The following SPAG16 variants were observed in gnomAD, a reference collection of about 807,000 sequenced individuals.
SPAG16 encodes the protein sperm associated antigen 16.
A neutral mutation model predicts 80.4 loss-of-function variants in SPAG16; 86 were observed. The observed-to-expected ratio is 1.07, with a 90% CI of 0.90 to 1.28. The LOEUF (loss-of-function observed/expected upper bound fraction) is 1.28. Among genes scored for constraint, SPAG16 ranks in the 50% most tolerant of loss-of-function variants. The pLI is 0.00. For synonymous variants in SPAG16, 294 were observed against 265.9 expected, an observed-to-expected ratio of 1.11 and a Z score of -1.03; for missense variants, 870 against 765.3, an observed-to-expected ratio of 1.14 and a Z score of -1.61.
At chr2:213,862,005 A>G (rs573506170) in intron 10 of SPAG16, among the ~76,000 whole-genome samples, 85 of 152,244 alleles carry the variant, frequency 5.6e-4, no homozygotes, top group Middle Eastern at 3.4e-3. Flanking sequence ...CATTTATAGT[A>G]TTTATTACAG....
At chr2:213,993,274 C>A (rs2046367600) in intron 12 of SPAG16, among the ~76,000 whole-genome samples, 1 of 152,106 alleles carries the variant, frequency 6.6e-6, no homozygotes, top group South Asian at 2.1e-4. Flanking sequence ...CTTTTCAGAC[C>A]CATGCTTATA....
rs549159879 is a variant in SPAG16 at position 213,412,608 on chromosome 2, A to G, written c.942+37489A>G. Among the ~76,000 whole-genome samples, 4 of 151,196 alleles carry G rather than the reference A, an allele frequency of 2.6e-5. No homozygotes were observed. In the South Asian group the frequency reaches 8.3e-4, roughly 31 times the overall value. The stretch of plus-strand genomic sequence containing the variant: ...TAGAGTGACATCTTGTGCCACTCTC[A>G]GTGTTTTGTTTGTTTATTTTTTTTT... On this transcript the variant is annotated intron_variant, in intron 9 of 15. Coordinates refer to ENST00000331683, the MANE Select transcript of SPAG16 (RefSeq NM_024532.5).
chr2:214,008,315 A>T (rs1042272330), intron 12 of SPAG16, among the ~76,000 whole-genome samples: 23 of 152,064 alleles, frequency 1.5e-4, no homozygotes, highest in African/African-American at 5.6e-4. Context: ...ATAATAAATC[A>T]TTTGTAGTCT....
At chr2:213,582,087 A>G (rs957288825) in intron 10 of SPAG16, among the ~76,000 whole-genome samples, 1 of 152,082 alleles carries the variant, frequency 6.6e-6, no homozygotes, top group South Asian at 2.1e-4. Context: ...AACCTAAATT[A>G]TATTATTATA....
chr2:213,412,053 G>A (rs564932911), intron 9 of SPAG16, among the ~76,000 whole-genome samples: 5 of 151,694 alleles, frequency 3.3e-5, no homozygotes, highest in East Asian at 1.9e-4. Context: ...AACCTTTTTC[G>A]TTTCCCTGAC....
intron 11 of SPAG16, among the ~76,000 whole-genome samples, chr2:213,921,064 G>T (rs967902087): frequency 6.6e-6 from 1 of 152,166 alleles, no homozygotes; most frequent in African/African-American, 2.4e-5. Flanking sequence ...CTCCTGTAGG[G>T]TTCCCAGCTT....
intron 11 of SPAG16, among the ~76,000 whole-genome samples, chr2:213,871,433 T>C (rs2075940380): frequency 6.6e-6 from 1 of 152,040 alleles, no homozygotes; most frequent in Non-Finnish European, 1.5e-5. Context: ...TGTTTTAACT[T>C]TCTCCAGTCC....
chr2:213,840,481 A>G (rs767323333), intron 10 of SPAG16, among the ~76,000 whole-genome samples: 1 of 152,172 alleles, frequency 6.6e-6, no homozygotes, highest in Non-Finnish European at 1.5e-5. Flanking sequence ...TAAACAAAAT[A>G]TTTGTTAAAC....
In SPAG16 at chr2:214,356,107, T is replaced by G. The variant is rs367667317; in HGVS notation, c.1721-54033T>G. Among the ~76,000 whole-genome samples, 166 of 150,916 alleles carry G rather than the reference T, an allele frequency of 1.1e-3. 1 individual carries two copies. In the South Asian group the frequency reaches 0.012, roughly 11 times the overall value. On this transcript the variant is annotated intron_variant, in intron 15 of 15. Transcript: ENST00000331683. ...TTAATGGAAATGACGAGTTAATGAG[T>G]GCAGCACACCAGCATGGCACATGTA...
intron 10 of SPAG16, among the ~76,000 whole-genome samples, chr2:213,556,453 CTT>C (rs2059428982): frequency 6.6e-6 from 1 of 151,724 alleles, no homozygotes; most frequent in South Asian, 2.1e-4. Context: ...GATAGCTAAA[CTT>C]ATATCAGATA....
intron 10 of SPAG16, among the ~76,000 whole-genome samples, chr2:213,532,530 C>T (rs541911371): frequency 2.1e-4 from 32 of 149,284 alleles, no homozygotes; most frequent in African/African-American, 7.7e-4. Context: ...GTTGCCATCT[C>T]GGCTCACCAC....
chr2:214,027,258 ATTC>A (rs1456680558), intron 13 of SPAG16, among the ~76,000 whole-genome samples: 2 of 151,576 alleles, frequency 1.3e-5, no homozygotes, highest in Admixed American at 6.6e-5. Context: ...ATAGAAGTTA[ATTC>A]TTCTTTACTG....
At chr2:213,505,302 A>AT (rs570097398) in intron 10 of SPAG16, among the ~76,000 whole-genome samples, 13 of 151,530 alleles carry the variant, frequency 8.6e-5, no homozygotes, top group South Asian at 2.1e-4. Flanking sequence ...TGTGGACACA[A>AT]TTTTTTTTTA....
rs541521256 is a variant in SPAG16 at position 213,344,251 on chromosome 2, G to T, written c.644+3981G>T. 1.2e-3 allele frequency among the ~76,000 whole-genome samples: 179 copies of T among 152,220 alleles called. 1 individual carries two copies. Among genetic ancestry groups the T allele is most frequent in the African/African-American group, 4.0e-3 (165 of 41,542 alleles). On this transcript the variant is annotated intron_variant, in intron 6 of 15. Coordinates refer to ENST00000331683, the MANE Select transcript of SPAG16 (RefSeq NM_024532.5). ...TTTATAACAGTATATAATTGCTATG[G>T]TGTTACGGAGTGCTTCCTCTACTGT...
intron 12 of SPAG16, among the ~76,000 whole-genome samples, chr2:213,938,713 G>T (rs1222972599): frequency 6.6e-6 from 1 of 151,562 alleles, no homozygotes; most frequent in African/African-American, 2.4e-5. Flanking sequence ...AAATGTCCAA[G>T]GACATCAAAT....
At chr2:213,459,758 T>C (rs1293195827) in intron 9 of SPAG16, among the ~76,000 whole-genome samples, 1 of 152,264 alleles carries the variant, frequency 6.6e-6, no homozygotes, top group Non-Finnish European at 1.5e-5. Flanking sequence ...GAATCTATTA[T>C]TCTTCATTAC....
At chr2:214,176,733 T>TA (rs2057096816) in intron 15 of SPAG16, among the ~76,000 whole-genome samples, 1 of 151,256 alleles carries the variant, frequency 6.6e-6, no homozygotes, top group African/African-American at 2.4e-5. Flanking sequence ...CAATTTCTTT[T>TA]AAAATTTTCC....
intron 13 of SPAG16, among the ~76,000 whole-genome samples, chr2:214,051,306 T>C (rs1291850707): frequency 2.0e-5 from 3 of 152,172 alleles, no homozygotes; most frequent in Non-Finnish European, 2.9e-5. Context: ...AGAAAAGGCA[T>C]TTATTAAACT....
chr2:213,801,829 C>T (rs997555679), intron 10 of SPAG16, among the ~76,000 whole-genome samples: 5 of 152,252 alleles, frequency 3.3e-5, no homozygotes, highest in East Asian at 1.9e-4. Flanking sequence ...AAGTTTCTGA[C>T]GATTGTTGTG....
Sources: gnomAD v4.1 joint callset for allele counts (sites outside exome capture counted in the v4.1 genomes callset) on GRCh38, gnomAD v4.1.1 for gene constraint, MANE v1.5 for transcripts, NCBI Gene and HGNC (gene_info 2026-07-23, HGNC 2026-07-21) for gene names.